Variants in SNTG1 observed in about 807,000 individuals in gnomAD.
SNTG1 encodes the protein syntrophin gamma 1, also known as gamma-1-syntrophin.
A neutral mutation model predicts 74.7 loss-of-function variants in SNTG1; 39 were observed. The ratio of observed to expected loss-of-function variants is 0.52; its 90% CI spans 0.40 to 0.68. The LOEUF is 0.68. Ranked by LOEUF, SNTG1 falls within the 30% of genes least tolerant of loss-of-function variation. SNTG1 has a pLI of 0.00. For missense variants in SNTG1, 685 were observed against 609.5 expected, an observed-to-expected ratio of 1.12 and a Z score of -1.30; for synonymous variants, 254 against 217.1, an observed-to-expected ratio of 1.17 and a Z score of -1.49.
intron 1 of SNTG1, among the ~76,000 whole-genome samples, chr8:49,972,367 A>C (rs1219738878): frequency 3.3e-5 from 5 of 152,190 alleles, no homozygotes; most frequent in Non-Finnish European, 7.3e-5. Context: ...AAATTAATTC[A>C]AGATGGATTA....
intron 18 of SNTG1, among the ~76,000 whole-genome samples, chr8:50,766,102 T>C (rs1419021501): frequency 3.3e-5 from 5 of 152,008 alleles, no homozygotes; most frequent in Non-Finnish European, 1.5e-5. Context: ...GGACAGTTTG[T>C]TCTGGTGGAG....
chr8:50,290,022 T>TA (rs2089006177), intron 2 of SNTG1, among the ~76,000 whole-genome samples: 1 of 152,126 alleles, frequency 6.6e-6, no homozygotes. Flanking sequence ...GGGGTACAAT[T>TA]ACGTTATTTT....
chr8:49,934,882 A>G (rs886221701), intron 1 of SNTG1, among the ~76,000 whole-genome samples: 9 of 133,874 alleles, frequency 6.7e-5, no homozygotes, highest in African/African-American at 3.6e-4. Context: ...CAACCTGGAG[A>G]AAAAAAAATG....
chr8:50,225,506 G>A (rs1351210656), intron 2 of SNTG1, among the ~76,000 whole-genome samples: 2 of 152,110 alleles, frequency 1.3e-5, no homozygotes, highest in Admixed American at 6.6e-5. Flanking sequence ...CAGAACCAAT[G>A]CTCATCTTAC....
chr8:50,309,089 A>T (rs80178244), intron 2 of SNTG1, among the ~76,000 whole-genome samples: 25 of 152,136 alleles, frequency 1.6e-4, no homozygotes, highest in East Asian at 9.7e-4. Flanking sequence ...TAAAAAAAAA[A>T]TTTTCTAAAG....
At chr8:50,623,314 A>G (rs1252342911) in intron 13 of SNTG1, among the ~76,000 whole-genome samples, 3 of 152,102 alleles carry the variant, frequency 2.0e-5, no homozygotes, top group African/African-American at 4.8e-5. Flanking sequence ...GTTGTTATAC[A>G]TGGCCTTTGC....
chr8:50,154,294 G>A (rs975247920), intron 1 of SNTG1, among the ~76,000 whole-genome samples: 68 of 152,270 alleles, frequency 4.5e-4, no homozygotes, highest in African/African-American at 1.5e-3. Context: ...CAGTATTAGG[G>A]TGGGAGTGAC....
rs1223787868 is a variant in SNTG1 at position 50,004,941 on chromosome 8, C to G, written c.-103+92710C>G. Among the ~76,000 whole-genome samples the G allele has an allele frequency of 3.3e-5, 5 of 152,180 alleles. No individual in the cohort carries two copies. In the East Asian group the frequency reaches 5.8e-4, roughly 18 times the overall value. On this transcript the variant is annotated intron_variant, in intron 1 of 18. Coordinates refer to ENST00000642720, the MANE Select transcript of SNTG1 (RefSeq NM_018967.5). Reference sequence around the variant, plus strand: ...AAGATTATTGCACTGCTGAATTAAACTGCGCATGAAACCTCCCTGACTGTT... The same window carrying G: ...AAGATTATTGCACTGCTGAATTAAAGTGCGCATGAAACCTCCCTGACTGTT...
At chr8:50,071,155 C>T (rs1821328704) in intron 1 of SNTG1, among the ~76,000 whole-genome samples, 1 of 152,150 alleles carries the variant, frequency 6.6e-6, no homozygotes, top group Non-Finnish European at 1.5e-5. Context: ...GGGAAGAATA[C>T]AAAAGAATCT....
intron 2 of SNTG1, among the ~76,000 whole-genome samples, chr8:50,358,090 TC>T (rs2091867109): frequency 6.6e-6 from 1 of 152,162 alleles, no homozygotes; most frequent in Non-Finnish European, 1.5e-5. Context: ...ATTGATTGTG[TC>T]CCACCATGTG....
At chr8:50,277,770 G>T (rs914031381) in intron 2 of SNTG1, among the ~76,000 whole-genome samples, 1 of 152,042 alleles carries the variant, frequency 6.6e-6, no homozygotes, top group Non-Finnish European at 1.5e-5. Flanking sequence ...CACCTAATCA[G>T]GATTTGTATA....
At chr8:50,362,270 C>A (rs2091980302) in intron 2 of SNTG1, among the ~76,000 whole-genome samples, 1 of 152,108 alleles carries the variant, frequency 6.6e-6, no homozygotes, top group Non-Finnish European at 1.5e-5. Context: ...TGAAGATAAC[C>A]AGTATATCTT....
At chr8:49,928,184 A>AAATAAAT (rs1265077339) in intron 1 of SNTG1, among the ~76,000 whole-genome samples, 1 of 119,986 alleles carries the variant, frequency 8.3e-6, no homozygotes, top group Non-Finnish European at 1.8e-5. Context: ...AATAAATAAA[A>AAATAAAT]ATAAAAAAGA....
intron 2 of SNTG1, among the ~76,000 whole-genome samples, chr8:50,350,306 C>A (rs549622458): frequency 3.9e-4 from 59 of 152,310 alleles, no homozygotes; most frequent in African/African-American, 1.4e-3. Context: ...GGAGTGTGGG[C>A]GCACTGCAGG....
chr8:50,114,428 A>G (rs983541822), intron 1 of SNTG1, among the ~76,000 whole-genome samples: 2 of 152,204 alleles, frequency 1.3e-5, no homozygotes, highest in Non-Finnish European at 2.9e-5. Flanking sequence ...CCTGATTGAG[A>G]AAAACAAATG....
chr8:50,119,599 G>T (rs2080929932), intron 1 of SNTG1, among the ~76,000 whole-genome samples: 1 of 141,908 alleles, frequency 7.0e-6, no homozygotes, highest in Non-Finnish European at 1.6e-5. Context: ...TATAAATTGT[G>T]ATAATTTTTA....
intron 9 of SNTG1, among the ~76,000 whole-genome samples, chr8:50,504,015 C>T (rs1382188842): frequency 6.6e-6 from 1 of 152,134 alleles, no homozygotes; most frequent in Non-Finnish European, 1.5e-5. Flanking sequence ...TGAAAGGCCA[C>T]AGTGTGTGTG....
chr8:50,000,873 G>T (rs539197175), intron 1 of SNTG1, among the ~76,000 whole-genome samples: 65 of 152,284 alleles, frequency 4.3e-4, no homozygotes, highest in African/African-American at 1.5e-3. Flanking sequence ...AAGTGAAACT[G>T]TTTCACCATA....
intron 1 of SNTG1, among the ~76,000 whole-genome samples, chr8:49,940,805 T>A (rs1452187071): frequency 1.3e-5 from 2 of 151,916 alleles, no homozygotes; most frequent in Non-Finnish European, 2.9e-5. Context: ...ATCATACATG[T>A]GAAAATAGAA....
Sources: gnomAD v4.1 joint callset for allele counts (sites outside exome capture counted in the v4.1 genomes callset) on GRCh38, gnomAD v4.1.1 for gene constraint, MANE v1.5 for transcripts, NCBI Gene and HGNC (gene_info 2026-07-23, HGNC 2026-07-21) for gene names.